SNX10: variants seen among roughly 807,000 people sequenced by gnomAD.
The protein encoded by SNX10 is sorting nexin-10.
A neutral mutation model predicts 28.5 loss-of-function variants in SNX10; 25 were observed. The observed-to-expected ratio is 0.88, with a 90% confidence interval of 0.64 to 1.22. The LOEUF (loss-of-function observed/expected upper bound fraction) is 1.22. Among genes scored for constraint, SNX10 ranks in the 50% most tolerant of loss-of-function variants. The probability of loss-of-function intolerance (pLI) is 0.00; values close to 1 mark genes in which losing one functional copy is unlikely to be tolerated. For missense variants in SNX10, 223 were observed against 242.6 expected, an observed-to-expected ratio of 0.92 and a Z score of 0.54; for synonymous variants, 62 against 81.4, an observed-to-expected ratio of 0.76 and a Z score of 1.28.
At chr7:26,293,677 T>C (rs1786009316) in intron 1 of SNX10, among the ~76,000 whole-genome samples, 1 of 152,214 alleles carries the variant, frequency 6.6e-6, no homozygotes, top group Non-Finnish European at 1.5e-5. Flanking sequence ...GTCCATTTCA[T>C]TCTCACTTTT....
chr7:26,332,353 T>G (rs1357589763), intron 1 of SNX10, among the ~76,000 whole-genome samples: 7 of 152,236 alleles, frequency 4.6e-5, no homozygotes, highest in African/African-American at 1.4e-4. Flanking sequence ...AAGCATCTTT[T>G]CATTTGCTTA....
chr7:26,296,656 C>T (rs1048201428), intron 1 of SNX10, among the ~76,000 whole-genome samples: 1 of 152,078 alleles, frequency 6.6e-6, no homozygotes, highest in African/African-American at 2.4e-5. Context: ...TAGATTTGTA[C>T]TTGTAGGCAA....
chr7:26,321,342 TC>T (rs1787300021), intron 1 of SNX10, among the ~76,000 whole-genome samples: 1 of 152,224 alleles, frequency 6.6e-6, no homozygotes, highest in African/African-American at 2.4e-5. Flanking sequence ...CACAGAGAAC[TC>T]TAATATGTTA....
At chr7:26,371,157 A>G (rs1047908999) in intron 5 of SNX10, among the ~76,000 whole-genome samples, 3 of 152,120 alleles carry the variant, frequency 2.0e-5, no homozygotes, top group African/African-American at 4.8e-5. Flanking sequence ...TCACAAAATT[A>G]TCATATTTTA....
At chr7:26,331,499 T>C (rs1178401871) in intron 1 of SNX10, among the ~76,000 whole-genome samples, 1 of 152,046 alleles carries the variant, frequency 6.6e-6, no homozygotes, top group Non-Finnish European at 1.5e-5. Flanking sequence ...GGTAGGTGGA[T>C]CACTTGGGCC....
At chr7:26,292,911 G>A (rs1052127608) in intron 1 of SNX10, 1 of 152,308 alleles carries the variant, frequency 6.6e-6, no homozygotes, top group African/African-American at 2.4e-5. Context: ...CAACCTGGCA[G>A]GCTTCTGACT....
rs1789226141 is a variant in SNX10 at position 26,364,879 on chromosome 7, T to C, written c.213-168T>C. 6.6e-6 allele frequency among the ~76,000 whole-genome samples: 1 copy of C among 152,234 alleles called. No homozygotes were observed. The highest frequency in any genetic ancestry group is 2.1e-4 in the South Asian group (1 of 4,832). ...TTTAAAGATGGGTTTTTCTTTAAGC[T>C]GACTTCCTGATACCCTTATTATATA... is the stretch of plus-strand genomic sequence containing the variant. On this transcript the variant is annotated intron_variant, in intron 4 of 6. Transcript: ENST00000338523. This position sits in a 1 kb window ranked among gnomAD's most constrained non-coding sequence, Gnocchi z 4.9.
chr7:26,299,613 T>G (rs995041607), intron 1 of SNX10, among the ~76,000 whole-genome samples: 1 of 151,904 alleles, frequency 6.6e-6, no homozygotes, highest in Non-Finnish European at 1.5e-5. Flanking sequence ...ATATTTTTAG[T>G]AGAGACAGGG....
chr7:26,341,980 TTCTC>T (rs56027802), intron 1 of SNX10, among the ~76,000 whole-genome samples: 15 of 103,114 alleles, frequency 1.5e-4, no homozygotes, highest in Non-Finnish European at 2.1e-4. Flanking sequence ...TTTCTCTTCT[TTCTC>T]TCTCTCTCTC....
intron 3 of SNX10, among the ~76,000 whole-genome samples, chr7:26,363,477 A>G (rs565789422): frequency 6.6e-6 from 1 of 152,334 alleles, no homozygotes; most frequent in African/African-American, 2.4e-5. Context: ...TTTAGATTAG[A>G]AAATCGGATT....
intron 1 of SNX10, among the ~76,000 whole-genome samples, chr7:26,315,305 T>C (rs1210610382): frequency 6.6e-6 from 1 of 152,196 alleles, no homozygotes; most frequent in Non-Finnish European, 1.5e-5. Flanking sequence ...CTTTATACAG[T>C]ACATTATCTA....
intron 1 of SNX10, among the ~76,000 whole-genome samples, chr7:26,301,541 C>T (rs1156661538): frequency 6.6e-6 from 1 of 152,162 alleles, no homozygotes. Flanking sequence ...CAGACTTCAC[C>T]CAGGACAAGT....
At position 26,359,990 on chromosome 7, in the gene SNX10, T is replaced by A. The variant is rs187460078; in HGVS notation, c.25-985T>A. 2.6e-5 allele frequency among the ~76,000 whole-genome samples: 4 copies of A among 152,304 alleles called. No homozygotes were observed. The East Asian group carries it at 7.7e-4, about 29-fold the overall frequency. ...AAATTTTGCCCCATGTTTTCTATTCTTATTATCTTTATAAAAGAACAAAAT... is the reference window on the plus strand; with the variant it reads ...AAATTTTGCCCCATGTTTTCTATTCATATTATCTTTATAAAAGAACAAAAT... On this transcript the variant is annotated intron_variant, in intron 2 of 6. Transcript: ENST00000338523.
intron 1 of SNX10, among the ~76,000 whole-genome samples, chr7:26,304,290 T>C (rs1786492624): frequency 6.6e-6 from 1 of 152,208 alleles, no homozygotes; most frequent in Non-Finnish European, 1.5e-5. Context: ...TCAGCCCACT[T>C]CTGAGCTCTC....
chr7:26,299,237 C>T (rs1390063531), intron 1 of SNX10, among the ~76,000 whole-genome samples: 2 of 151,984 alleles, frequency 1.3e-5, no homozygotes, highest in Non-Finnish European at 2.9e-5. Flanking sequence ...GCTCTGTTGC[C>T]CAGGCTGGAG....
intron 2 of SNX10, among the ~76,000 whole-genome samples, chr7:26,356,582 GGGA>G (rs925315791): frequency 1.1e-4 from 16 of 152,266 alleles, no homozygotes; most frequent in African/African-American, 3.9e-4. Context: ...TGCAGAGTGG[GGGA>G]GGAGGAGACC....
chr7:26,335,548 G>A (rs1472230007), intron 1 of SNX10, among the ~76,000 whole-genome samples: 1 of 149,178 alleles, frequency 6.7e-6, no homozygotes. Context: ...ACAGCCAGCC[G>A]CCTGTAGATC....
chr7:26,347,887 A>C (rs1788450565), intron 2 of SNX10, among the ~76,000 whole-genome samples: 1 of 152,132 alleles, frequency 6.6e-6, no homozygotes, highest in Admixed American at 6.5e-5. Flanking sequence ...TTGGGCTATA[A>C]TATGTATAGT....
chr7:26,316,628 C>A (rs1257971304), intron 1 of SNX10, among the ~76,000 whole-genome samples: 1 of 152,174 alleles, frequency 6.6e-6, no homozygotes, highest in Non-Finnish European at 1.5e-5. Flanking sequence ...ATATTAACTT[C>A]TTTGTACTTT....
Sources: gnomAD v4.1 joint callset for allele counts (sites outside exome capture counted in the v4.1 genomes callset) on GRCh38, gnomAD v4.1.1 for gene constraint, Gnocchi (gnomAD v3.1) non-coding constraint, MANE v1.5 for transcripts, NCBI Gene and HGNC (gene_info 2026-07-23, HGNC 2026-07-21) for gene names.